The following CCDC138 variants were observed in gnomAD, a reference collection of about 807,000 sequenced individuals.
CCDC138 encodes the protein coiled-coil domain containing 138, also known as coiled-coil domain-containing protein 138.
CCDC138 carries 66 observed loss-of-function variants against 82.3 expected under a neutral mutation model. The ratio of observed to expected loss-of-function variants is 0.80; its 90% confidence interval spans 0.66 to 0.98. CCDC138 has a LOEUF of 0.98. Ranked by LOEUF, CCDC138 falls within the 50% of genes least tolerant of loss-of-function variation. The probability of loss-of-function intolerance (pLI) is 0.00; values close to 1 mark genes in which losing one functional copy is unlikely to be tolerated. For synonymous variants in CCDC138, 297 were observed against 265.4 expected (o/e 1.12, Z -1.16); for missense variants, 816 against 758.9 (o/e 1.08, Z -0.88).
intron 6 of CCDC138, among the ~76,000 whole-genome samples, chr2:108,799,437 A>G (rs1316425763): frequency 6.6e-6 from 1 of 152,184 alleles, no homozygotes; most frequent in Non-Finnish European, 1.5e-5. Context: ...CAGTTCCCTT[A>G]CGCTCTCTTG....
intron 5 of CCDC138, among the ~76,000 whole-genome samples, chr2:108,795,586 A>G (rs1680738815): frequency 6.6e-6 from 1 of 152,242 alleles, no homozygotes; most frequent in Non-Finnish European, 1.5e-5. Flanking sequence ...ATTTCTTTAA[A>G]ACCAGTATTT....
intron 13 of CCDC138, among the ~76,000 whole-genome samples, chr2:108,866,711 C>T (rs188192323): frequency 1.2e-3 from 184 of 152,120 alleles, no homozygotes; most frequent in African/African-American, 4.4e-3. Flanking sequence ...AGTGAAACCC[C>T]GTCTCTACTA....
chr2:108,788,803 TG>T, intron 2 of CCDC138, 48 bp from the exon 3 acceptor site: 14 of 1,608,808 alleles, frequency 8.7e-6, no homozygotes, highest in Non-Finnish European at 1.2e-5. Flanking sequence ...CCAGATATTT[TG>T]TGATATATTG....
At chr2:108,806,435 G>C (rs1234003048) in intron 7 of CCDC138, among the ~76,000 whole-genome samples, 1 of 152,168 alleles carries the variant, frequency 6.6e-6, no homozygotes, top group Non-Finnish European at 1.5e-5. Context: ...GGATTTATGA[G>C]CTAATGTGTA....
chr2:108,837,680 A>G (rs1437556370), intron 10 of CCDC138, among the ~76,000 whole-genome samples: 2 of 152,200 alleles, frequency 1.3e-5, no homozygotes, highest in African/African-American at 2.4e-5. Context: ...ACAGCTATGT[A>G]GAGTACATAA....
chr2:108,817,904 C>G (rs1265628579), intron 10 of CCDC138, among the ~76,000 whole-genome samples: 1 of 152,166 alleles, frequency 6.6e-6, no homozygotes, highest in Admixed American at 6.6e-5. Flanking sequence ...AATTTTGTCT[C>G]TTAGTACCTA....
At chr2:108,834,564 C>G (rs1688275652) in intron 10 of CCDC138, among the ~76,000 whole-genome samples, 1 of 152,152 alleles carries the variant, frequency 6.6e-6, no homozygotes, top group South Asian at 2.1e-4. Flanking sequence ...TGACATCAAT[C>G]CATGAGCATA....
chr2:108,830,294 T>G (rs1468595679), intron 10 of CCDC138, among the ~76,000 whole-genome samples: 1 of 152,216 alleles, frequency 6.6e-6, no homozygotes, highest in Non-Finnish European at 1.5e-5. Context: ...GATACAGAGT[T>G]TCATTTTGGC....
intron 13 of CCDC138, among the ~76,000 whole-genome samples, chr2:108,872,380 T>C (rs1326915311): frequency 6.6e-6 from 1 of 152,192 alleles, no homozygotes; most frequent in Non-Finnish European, 1.5e-5. Context: ...GTTTAGACCA[T>C]GCTTTTGTTG....
At chr2:108,869,535 C>T (rs540109447) in intron 13 of CCDC138, among the ~76,000 whole-genome samples, 1 of 152,196 alleles carries the variant, frequency 6.6e-6, no homozygotes, top group South Asian at 2.1e-4. Context: ...GGCACCATAG[C>T]ACATGAAAAC....
At chr2:108,818,181 C>CGT (rs1685099019) in intron 10 of CCDC138, among the ~76,000 whole-genome samples, 1 of 152,098 alleles carries the variant, frequency 6.6e-6, no homozygotes, top group Non-Finnish European at 1.5e-5. Context: ...TGGCACGCGC[C>CGT]TATAACCCCA....
intron 12 of CCDC138, among the ~76,000 whole-genome samples, chr2:108,848,441 A>G (rs779809991): frequency 6.6e-6 from 1 of 152,234 alleles, no homozygotes; most frequent in Non-Finnish European, 1.5e-5. Context: ...AAAGAAATAT[A>G]ACAGGGCATA....
chr2:108,797,783 A>G (rs1183802503), intron 5 of CCDC138, among the ~76,000 whole-genome samples: 3 of 152,150 alleles, frequency 2.0e-5, no homozygotes, highest in South Asian at 4.1e-4. Flanking sequence ...CAAAGAGTGG[A>G]ATATAGGACA....
intron 11 of CCDC138, among the ~76,000 whole-genome samples, chr2:108,844,002 C>T (rs1690023196): frequency 1.3e-5 from 2 of 149,270 alleles, no homozygotes; most frequent in African/African-American, 2.5e-5. Flanking sequence ...GCTGGGACCA[C>T]GGTCATGTAC....
intron 5 of CCDC138, 28 bp from the exon 6 acceptor site, chr2:108,798,400 A>G: frequency 6.3e-7 from 1 of 1,586,570 alleles, no homozygotes; most frequent in Non-Finnish European, 8.6e-7. Flanking sequence ...ACTTTTCAAG[A>G]GCATTAAAGT....
At chr2:108,807,314 T>C (rs1490286331) in intron 7 of CCDC138, among the ~76,000 whole-genome samples, 1 of 152,180 alleles carries the variant, frequency 6.6e-6, no homozygotes, top group African/African-American at 2.4e-5. Context: ...AGGAATTAAA[T>C]TGAAATTTGA....
At chr2:108,858,815 C>G (rs1693081576) in intron 13 of CCDC138, among the ~76,000 whole-genome samples, 1 of 151,786 alleles carries the variant, frequency 6.6e-6, no homozygotes, top group South Asian at 2.1e-4. Flanking sequence ...ATAATGGCAT[C>G]CAGCTGCATC....
chr2:108,815,850 A>C (rs534706854), intron 9 of CCDC138, 91 bp from the exon 10 acceptor site: 1 of 1,078,506 alleles, frequency 9.3e-7, no homozygotes, highest in South Asian at 1.6e-5. Flanking sequence ...CTTTAGTCAA[A>C]TTATTCTTAT....
chr2:108,804,749 T>C, intron 6 of CCDC138, 140 bp from the exon 7 acceptor site: 1 of 606,944 alleles, frequency 1.6e-6, no homozygotes, highest in Non-Finnish European at 2.6e-6. Context: ...CTTGCCACAC[T>C]AGTCACTTGT....
Sources: gnomAD v4.1 joint callset for allele counts (sites outside exome capture counted in the v4.1 genomes callset) on GRCh38, gnomAD v4.1.1 for gene constraint, MANE v1.5 for transcripts, NCBI Gene and HGNC (gene_info 2026-07-23, HGNC 2026-07-21) for gene names.